Variants in PTPRN2 observed in about 807,000 individuals in gnomAD.
PTPRN2 encodes protein tyrosine phosphatase receptor type N2.
Under a neutral mutation model 118.8 loss-of-function variants are expected in PTPRN2, and 74 were observed. The ratio of observed to expected loss-of-function variants is 0.62; its 90% CI spans 0.52 to 0.76. PTPRN2 has a LOEUF of 0.76. Among genes scored for constraint, PTPRN2 ranks in the 30% least tolerant of loss-of-function variants. The pLI, the probability that PTPRN2 is intolerant of heterozygous loss-of-function variation, is 0.00. For synonymous variants in PTPRN2, 641 were observed against 608.0 expected (o/e 1.05, Z -0.80); for missense variants, 1,481 against 1,394.4 (o/e 1.06, Z -0.99).
chr7:158,033,700 C>T (rs984901794), intron 11 of PTPRN2, among the ~76,000 whole-genome samples: 1 of 152,088 alleles, frequency 6.6e-6, no homozygotes, highest in Admixed American at 6.5e-5. Flanking sequence ...CCCTGGTCAG[C>T]AATGCTGTGT....
At chr7:157,655,121 G>A (rs1475443496) in intron 14 of PTPRN2, among the ~76,000 whole-genome samples, 1 of 152,218 alleles carries the variant, frequency 6.6e-6, no homozygotes. Context: ...GATTTCTGGC[G>A]GGTGGTCCGG....
intron 2 of PTPRN2, among the ~76,000 whole-genome samples, chr7:158,340,625 C>G: frequency 9.0e-6 from 1 of 110,668 alleles, no homozygotes; most frequent in East Asian, 2.8e-4. Context: ...GTCACTCACA[C>G]TCACACTCTA....
intron 3 of PTPRN2, among the ~76,000 whole-genome samples, chr7:158,298,575 T>C (rs1386714989): frequency 6.6e-6 from 1 of 152,218 alleles, no homozygotes; most frequent in Non-Finnish European, 1.5e-5. Flanking sequence ...GTGCCGTGAA[T>C]CTGGAAGAAA....
chr7:158,132,432 A>G (rs937315573), intron 9 of PTPRN2, among the ~76,000 whole-genome samples: 6 of 148,042 alleles, frequency 4.1e-5, no homozygotes, highest in African/African-American at 1.5e-4. Flanking sequence ...ACACTCATAC[A>G]CACATACATA....
chr7:158,501,855 G>A (rs1822385335), intron 1 of PTPRN2, among the ~76,000 whole-genome samples: 1 of 152,180 alleles, frequency 6.6e-6, no homozygotes. Flanking sequence ...TTCTACCCCT[G>A]AAAGTGAGAC....
At chr7:158,130,456 C>G (rs975119517) in intron 9 of PTPRN2, among the ~76,000 whole-genome samples, 6 of 3,898 alleles carry the variant, frequency 1.5e-3, no homozygotes, top group African/African-American at 4.0e-3. Context: ...ACACATCTAC[C>G]CAACACACTC....
chr7:158,336,331 A>T (rs1586342780), intron 2 of PTPRN2, among the ~76,000 whole-genome samples: 2 of 141,664 alleles, frequency 1.4e-5, no homozygotes, highest in Middle Eastern at 3.7e-3. Context: ...AAGAGGTGAC[A>T]CCTGCAGACG....
intron 12 of PTPRN2, among the ~76,000 whole-genome samples, chr7:157,809,976 G>C (rs1167398808): frequency 6.6e-6 from 1 of 152,218 alleles, no homozygotes; most frequent in East Asian, 1.9e-4. Context: ...TGATGGCAGA[G>C]GGTGCGTGGG....
chr7:157,547,903 G>A lies in PTPRN2; in HGVS notation c.2976+1043C>T, dbSNP rs112075839. 3.1e-3 allele frequency among the ~76,000 whole-genome samples: 476 copies of A among 152,326 alleles called. 2 individuals carry two copies. The highest frequency in any genetic ancestry group is 0.011 in the African/African-American group (452 of 41,570). ...GCAGAGGAACCATGATGCCCCTCGCGTGGCCGCCCTGGGCGTGTCCTGCTC... is the reference window on the plus strand; with the variant it reads ...GCAGAGGAACCATGATGCCCCTCGCATGGCCGCCCTGGGCGTGTCCTGCTC... On this transcript the variant is annotated intron_variant, in intron 22 of 22. Coordinates refer to ENST00000389418, the MANE Select transcript of PTPRN2 (RefSeq NM_002847.5).
At chr7:157,649,068 G>C (rs1326939536) in intron 14 of PTPRN2, among the ~76,000 whole-genome samples, 2 of 130,782 alleles carry the variant, frequency 1.5e-5, no homozygotes, top group Non-Finnish European at 3.3e-5. Context: ...CACTGAACTC[G>C]GTGGGTCAGA....
chr7:157,952,765 G>C (rs1019527821), intron 11 of PTPRN2, among the ~76,000 whole-genome samples: 2 of 152,146 alleles, frequency 1.3e-5, no homozygotes, highest in African/African-American at 4.8e-5. Flanking sequence ...CCAGGGGACA[G>C]GAACCCCAGG....
chr7:157,621,294 T>C lies in PTPRN2; in HGVS notation c.2344+68A>G, dbSNP rs78316515. 2,743 of 1,139,026 alleles carry C rather than the reference T, an allele frequency of 2.4e-3. 37 individuals are homozygous for C. The East Asian group carries it at 0.048, about 20-fold the overall frequency. The allele number at this position is 1,139,026 out of a possible 1,614,324, so 70.6% of individuals were successfully genotyped here. A position where few individuals can be genotyped will look rare whatever the true frequency, so the allele number is the denominator to read the frequency against. Reference sequence around the variant, plus strand: ...GCCTCCTGCCCTCGGGCCTGGTATGTACAGGTCAGCACGGCCAGTTTCCAC... The same window carrying C: ...GCCTCCTGCCCTCGGGCCTGGTATGCACAGGTCAGCACGGCCAGTTTCCAC... On this transcript the variant is annotated intron_variant, in intron 15 of 22. Coordinates refer to ENST00000389418, the MANE Select transcript of PTPRN2 (RefSeq NM_002847.5).
chr7:158,579,353 A>G (rs1828511453), intron 1 of PTPRN2, among the ~76,000 whole-genome samples: 1 of 152,218 alleles, frequency 6.6e-6, no homozygotes, highest in Admixed American at 6.5e-5. Flanking sequence ...GTCAGCCACC[A>G]CCTCCAACAT....
intron 11 of PTPRN2, among the ~76,000 whole-genome samples, chr7:157,951,032 A>T (rs1323072627): frequency 1.3e-5 from 2 of 152,098 alleles, no homozygotes; most frequent in East Asian, 3.9e-4. Flanking sequence ...GTTTGATTTC[A>T]TCCAACACAG....
At chr7:157,601,646 G>A (rs565973467) in intron 16 of PTPRN2, among the ~76,000 whole-genome samples, 5 of 152,326 alleles carry the variant, frequency 3.3e-5, no homozygotes, top group East Asian at 1.9e-4. Flanking sequence ...GCTGTCCACC[G>A]TTTCCAGCTC....
chr7:158,337,084 C>T (rs1586350465), intron 2 of PTPRN2, among the ~76,000 whole-genome samples: 1 of 151,324 alleles, frequency 6.6e-6, no homozygotes, highest in Non-Finnish European at 1.5e-5. Context: ...CCGCAGACGT[C>T]ACTCACACCC....
rs146549184 is a variant in PTPRN2 at position 158,095,485 on chromosome 7, C to T, written c.1644-14108G>A. Among the ~76,000 whole-genome samples, 949 of 152,172 alleles carry T rather than the reference C, an allele frequency of 6.2e-3. 8 individuals carry two copies. The highest frequency in any genetic ancestry group is 0.022 in the African/African-American group (905 of 41,518). ...TCTACAACTCTGATGTAGACATTAT[C>T]GTCTCTACTCCATGGAGGAGCACAC... On this transcript the variant is annotated intron_variant, in intron 10 of 22. Transcript: ENST00000389418.
chr7:158,163,898 T>C (rs1029823776), intron 6 of PTPRN2, among the ~76,000 whole-genome samples: 1 of 152,284 alleles, frequency 6.6e-6, no homozygotes, highest in African/African-American at 2.4e-5. Flanking sequence ...CAGTATTCTC[T>C]GTGTATTTCA....
intron 5 of PTPRN2, among the ~76,000 whole-genome samples, chr7:158,175,189 T>C (rs974820752): frequency 3.3e-5 from 5 of 152,166 alleles, no homozygotes; most frequent in Non-Finnish European, 5.9e-5. Context: ...GTTTTCTCCC[T>C]GTCTCACTGC....
Sources: allele counts gnomAD v4.1 joint callset (sites outside exome capture counted in the v4.1 genomes callset), GRCh38; gene constraint gnomAD v4.1.1; transcripts MANE v1.5; gene names NCBI Gene and HGNC (gene_info 2026-07-23, HGNC 2026-07-21).